The following IL33 variants were observed in gnomAD, a reference collection of about 807,000 sequenced individuals.
IL33 encodes the protein interleukin 33.
In IL33, 37 loss-of-function variants were observed where a neutral mutation model predicts 27.3. The ratio of observed to expected loss-of-function variants is 1.36; its 90% confidence interval spans 1.04 to 1.78. The LOEUF (loss-of-function observed/expected upper bound fraction) is 1.78. Ranked by LOEUF, IL33 falls within the 40% of genes most tolerant of loss-of-function variation. IL33 has a pLI of 0.00. For synonymous variants in IL33, 132 were observed against 102.9 expected (o/e 1.28, Z -1.71); for missense variants, 406 against 311.4 (o/e 1.30, Z -2.29).
chr9:6,241,730 T>A lies in IL33; in HGVS notation c.36T>A (p.Ile12=). The A allele has an allele frequency of 2.5e-6, 4 of 1,611,892 alleles. No individual in the cohort carries two copies. The highest frequency in any genetic ancestry group is 3.4e-6 in the Non-Finnish European group (4 of 1,178,724). The change falls in exon 2 of 8, where the codon ATT becomes ATA. Residue 12 remains isoleucine, a synonymous_variant. Coordinates refer to ENST00000682010, the MANE Select transcript of IL33 (RefSeq NM_033439.4). ...KPKMKYSTNK[I]STAKWKNTAS... Reference sequence around the variant, plus strand: ...AAATGAAGTATTCAACCAACAAAATTTCCACAGCAAAGTGGAAGAACACAG... The same window carrying A: ...AAATGAAGTATTCAACCAACAAAATATCCACAGCAAAGTGGAAGAACACAG...
Position 6,256,493 on chromosome 9 carries a change from A to C in IL33, c.*325A>C. The C allele has an allele frequency of 2.4e-6, 1 of 409,804 alleles. No homozygotes were observed. Among genetic ancestry groups the C allele is most frequent in the South Asian group, 8.4e-5 (1 of 11,864 alleles). 25.4% of individuals were successfully genotyped at this position (409,804 alleles called of 1,614,324 possible). A position where few individuals can be genotyped will look rare whatever the true frequency, so the allele number is the denominator to read the frequency against. On this transcript the variant is annotated 3_prime_UTR_variant, in exon 8 of 8. Coordinates refer to ENST00000682010, the MANE Select transcript of IL33 (RefSeq NM_033439.4). Reference sequence around the variant, plus strand: ...CAGAAAGAACTTCATATTTAGAGCTAAGGCCACTGAGGAAAGAGCCATAGC... The same window carrying C: ...CAGAAAGAACTTCATATTTAGAGCTCAGGCCACTGAGGAAAGAGCCATAGC...
intron 6 of IL33, among the ~76,000 whole-genome samples, chr9:6,253,907 C>G (rs1219350792): frequency 1.3e-5 from 2 of 152,192 alleles, no homozygotes; most frequent in African/African-American, 4.8e-5. Context: ...GGGAACCCAT[C>G]TCCTTCTATC....
At chr9:6,232,029 A>G (rs1201037891) in intron 1 of IL33, among the ~76,000 whole-genome samples, 1 of 152,250 alleles carries the variant, frequency 6.6e-6, no homozygotes, top group Non-Finnish European at 1.5e-5. Flanking sequence ...ATAAAAGAAG[A>G]AAGTCCAACA....
intron 1 of IL33, among the ~76,000 whole-genome samples, chr9:6,239,126 A>C (rs149427575): frequency 6.6e-4 from 101 of 152,348 alleles, no homozygotes; most frequent in Non-Finnish European, 1.2e-3. Flanking sequence ...GCAGCCTGAG[A>C]GATCAAGCCG....
intron 1 of IL33, among the ~76,000 whole-genome samples, chr9:6,222,295 T>G (rs1237673418): frequency 2.0e-5 from 3 of 152,194 alleles, no homozygotes; most frequent in African/African-American, 7.2e-5. Flanking sequence ...GCCATTTGGT[T>G]GTACAATAAA....
At chr9:6,240,168 T>C (rs899050387) in intron 1 of IL33, among the ~76,000 whole-genome samples, 4 of 152,204 alleles carry the variant, frequency 2.6e-5, no homozygotes, top group African/African-American at 9.6e-5. Flanking sequence ...CAAATATGAG[T>C]GACCACGGCC....
In IL33 at chr9:6,226,357, G is replaced by A. The variant is rs570431940; in HGVS notation, c.-12+10505G>A. Among the ~76,000 whole-genome samples the A allele has an allele frequency of 5.9e-5, 9 of 151,894 alleles. No homozygotes were observed. The South Asian group carries it at 1.7e-3, about 28-fold the overall frequency. On this transcript the variant is annotated intron_variant, in intron 1 of 7. Coordinates refer to ENST00000682010, the MANE Select transcript of IL33 (RefSeq NM_033439.4). ...CTGCTTGAAATTCATTGAAACTCTTGGATCTAAGGATTAGGATCTTTCAAC... is the reference window on the plus strand; with the variant it reads ...CTGCTTGAAATTCATTGAAACTCTTAGATCTAAGGATTAGGATCTTTCAAC...
At position 6,233,261 on chromosome 9, in the gene IL33, G is replaced by A. The variant is rs553629382; in HGVS notation, c.-11-8423G>A. Among the ~76,000 whole-genome samples the A allele has an allele frequency of 2.7e-4, 41 of 151,950 alleles. No individual in the cohort carries two copies. The East Asian group carries it at 3.1e-3, about 11-fold the overall frequency. ...CCAATGCTTATTTCTCTTAATCTCC[G>A]TCTCTTTCAGAACCTACATTACAAA... On this transcript the variant is annotated intron_variant, in intron 1 of 7. Coordinates refer to ENST00000682010, the MANE Select transcript of IL33 (RefSeq NM_033439.4).
chr9:6,254,567 ATTT>A lies in IL33; in HGVS notation c.612+15_612+17del. 1 of 1,240,860 alleles carries A rather than the reference ATTT, an allele frequency of 8.1e-7. No homozygotes were observed. Among genetic ancestry groups the A allele is most frequent in the African/African-American group, 1.5e-5 (1 of 64,850 alleles). 76.9% of individuals were successfully genotyped at this position (1,240,860 alleles called of 1,614,324 possible). On this transcript the variant is annotated intron_variant, in intron 7 of 7. Coordinates refer to ENST00000682010, the MANE Select transcript of IL33 (RefSeq NM_033439.4). The stretch of plus-strand genomic sequence containing the variant: ...CACTCTGTGGAGGTAAAAAAAAAAA[ATTT>A]ATCTATATCTATATATATGATTACA...
chr9:6,219,074 C>G (rs1158495236), intron 1 of IL33, among the ~76,000 whole-genome samples: 1 of 150,874 alleles, frequency 6.6e-6, no homozygotes, highest in Non-Finnish European at 1.5e-5. Context: ...TGGTGGAAAT[C>G]AAGAGGTTCA....
intron 1 of IL33, among the ~76,000 whole-genome samples, chr9:6,227,908 G>C (rs776191558): frequency 6.6e-6 from 1 of 152,088 alleles, no homozygotes; most frequent in South Asian, 2.1e-4. Context: ...GGAATGCAAC[G>C]GATTTGGATT....
At chr9:6,254,146 G>C (rs771656111) in intron 6 of IL33, among the ~76,000 whole-genome samples, 1 of 152,148 alleles carries the variant, frequency 6.6e-6, no homozygotes, top group Non-Finnish European at 1.5e-5. Context: ...TATCCCAAAA[G>C]AGGAATGAAT....
In IL33 at chr9:6,256,315, T is replaced by A; in HGVS notation, c.*147T>A. 3 of 604,686 alleles carry A rather than the reference T, an allele frequency of 5.0e-6. No individual in the cohort carries two copies. Among genetic ancestry groups the A allele is most frequent in the Non-Finnish European group, 8.6e-6 (3 of 347,748 alleles). 37.5% of individuals were successfully genotyped at this position (604,686 alleles called of 1,614,324 possible). A position where few individuals can be genotyped will look rare whatever the true frequency, so the allele number is the denominator to read the frequency against. The stretch of plus-strand genomic sequence containing the variant: ...ATGTTTTCCATATTATGTATAAAAA[T>A]ATTTTTTCTAATCCTCCAGTTATTC... On this transcript the variant is annotated 3_prime_UTR_variant, in exon 8 of 8. Coordinates refer to ENST00000682010, the MANE Select transcript of IL33 (RefSeq NM_033439.4).
chr9:6,235,914 G>A (rs1258126969), intron 1 of IL33, among the ~76,000 whole-genome samples: 2 of 151,866 alleles, frequency 1.3e-5, no homozygotes, highest in African/African-American at 4.8e-5. Flanking sequence ...TAAGATACAT[G>A]TACCCTCTGA....
intron 2 of IL33, among the ~76,000 whole-genome samples, chr9:6,246,108 G>A (rs573500147): frequency 1.5e-5 from 2 of 137,562 alleles, no homozygotes; most frequent in African/African-American, 5.3e-5. Context: ...GAATTGGGTG[G>A]ATAATGATAG....
chr9:6,243,164 C>T (rs1214655494), intron 2 of IL33, among the ~76,000 whole-genome samples: 1 of 152,132 alleles, frequency 6.6e-6, no homozygotes, highest in African/African-American at 2.4e-5. Context: ...CCAAACCAAC[C>T]AAAGCCAAAC....
intron 1 of IL33, among the ~76,000 whole-genome samples, chr9:6,231,820 A>C (rs1818942434): frequency 6.6e-6 from 1 of 152,170 alleles, no homozygotes; most frequent in Non-Finnish European, 1.5e-5. Flanking sequence ...CCTTACAATC[A>C]TTCCCAGTTG....
At chr9:6,249,241 A>G (rs553728824) in intron 2 of IL33, among the ~76,000 whole-genome samples, 1 of 152,212 alleles carries the variant, frequency 6.6e-6, no homozygotes, top group South Asian at 2.1e-4. Flanking sequence ...AATAGCTAAT[A>G]AAAGCTTTTC....
intron 1 of IL33, among the ~76,000 whole-genome samples, chr9:6,217,311 T>A (rs1818189987): frequency 6.6e-6 from 1 of 152,156 alleles, no homozygotes; most frequent in Non-Finnish European, 1.5e-5. Flanking sequence ...TATGCCTACA[T>A]CTTAGCAGAA....
Sources: allele counts gnomAD v4.1 joint callset (sites outside exome capture counted in the v4.1 genomes callset), GRCh38; gene constraint gnomAD v4.1.1; transcripts MANE v1.5; gene names NCBI Gene and HGNC (gene_info 2026-07-23, HGNC 2026-07-21).